PLEKHM2: variants seen among roughly 807,000 people sequenced by gnomAD.
PLEKHM2 encodes pleckstrin homology domain-containing family M member 2.
Under a neutral mutation model 116.3 loss-of-function variants are expected in PLEKHM2, and 77 were observed. That is an observed-to-expected ratio of 0.66 (90% CI 0.55 to 0.80). PLEKHM2 has a LOEUF of 0.80. Among genes scored for constraint, PLEKHM2 ranks in the 30% least tolerant of loss-of-function variants. PLEKHM2 has a pLI of 0.00. For missense variants in PLEKHM2, 1,183 were observed against 1,354.9 expected (o/e 0.87, Z 1.99); for synonymous variants, 562 against 571.0 (o/e 0.98, Z 0.22).
intron 1 of PLEKHM2, among the ~76,000 whole-genome samples, chr1:15,694,656 T>G (rs1169328094): frequency 6.6e-6 from 1 of 152,164 alleles, no homozygotes; most frequent in African/African-American, 2.4e-5. Context: ...TATCCGTTAT[T>G]GAAACCATCC....
At chr1:15,716,389 C>A in intron 2 of PLEKHM2, 46 bp downstream of exon 2, 1 of 1,156,910 alleles carries the variant, frequency 8.6e-7, no homozygotes, top group Non-Finnish European at 1.3e-6. Context: ...CAACCCAGGC[C>A]ATGAGTAGCC....
In PLEKHM2 at chr1:15,716,722, C is replaced by T; in HGVS notation, c.183C>T (p.Ser61=). 1.3e-6 allele frequency: 2 copies of T among 1,571,618 alleles called. No individual in the cohort carries two copies. The highest frequency in any genetic ancestry group is 8.6e-7 in the Non-Finnish European group (1 of 1,158,102). Residue 61 remains serine (S), a synonymous_variant, in exon 3 of 20, where the codon TCC becomes TCT. Transcript: ENST00000375799. The stretch of plus-strand genomic sequence containing the variant: ...GTTTTCTCAGACTGCAAGACCTCTC[C>T]TCTGGCTACTGGGTGCTCGTGGTGC... The part of the protein sequence containing the change: ...HALLYGLQDL[S]SGYWVLVVHF...
intron 16 of PLEKHM2, among the ~76,000 whole-genome samples, chr1:15,731,502 C>T (rs1358796764): frequency 1.3e-5 from 2 of 152,142 alleles, no homozygotes; most frequent in Admixed American, 6.5e-5. Context: ...GCAGGCCCTT[C>T]CCCAGAAGCT....
At chr1:15,683,493 G>C (rs1272666320), upstream of PLEKHM2, among the ~76,000 whole-genome samples, 3 of 151,150 alleles carry the variant, frequency 2.0e-5, no homozygotes, top group Admixed American at 2.0e-4. Flanking sequence ...TCTCTGAGGA[G>C]GGCCGGGGTC....
intron 16 of PLEKHM2, 96 bp downstream of exon 16, chr1:15,731,353 C>T: frequency 1.1e-6 from 1 of 926,184 alleles, no homozygotes; most frequent in South Asian, 1.4e-5. Context: ...CAGCCTCGCC[C>T]TCAACCCCAC....
At chr1:15,730,834 G>C in intron 15 of PLEKHM2, 112 bp downstream of exon 15, 1 of 825,206 alleles carries the variant, frequency 1.2e-6, no homozygotes, top group Non-Finnish European at 1.9e-6. Flanking sequence ...AGCCTGAGGA[G>C]AGGACGCCTC....
Position 15,729,677 on chromosome 1 carries a change from A to T in PLEKHM2, c.2076-120A>T. On this transcript the variant is annotated intron_variant, in intron 13 of 19. Coordinates refer to ENST00000375799, the MANE Select transcript of PLEKHM2 (RefSeq NM_015164.4). This position sits in a 1 kb window ranked among gnomAD's most constrained non-coding sequence, Gnocchi z 4.7. ...ACCTGCCGCCCTGGTCACTGGGTCT[A>T]GCCAGGTCTCTCCCCCAAGTTTCTG... The T allele has an allele frequency of 1.2e-6, 1 of 841,774 alleles. No homozygotes were observed. Among genetic ancestry groups the T allele is most frequent in the Non-Finnish European group, 1.9e-6 (1 of 534,798 alleles). The allele number at this position is 841,774 out of a possible 1,614,324, so 52.1% of individuals were successfully genotyped here.
intron 4 of PLEKHM2, among the ~76,000 whole-genome samples, 174 bp from the exon 5 acceptor site, chr1:15,718,364 T>C (rs1223095230): frequency 6.6e-6 from 1 of 152,220 alleles, no homozygotes; most frequent in African/African-American, 2.4e-5. Flanking sequence ...GTGTGGCTGC[T>C]AACCCAGTAG....
intron 1 of PLEKHM2, among the ~76,000 whole-genome samples, chr1:15,702,572 C>T (rs1024346276): frequency 2.0e-5 from 3 of 152,076 alleles, no homozygotes; most frequent in Non-Finnish European, 2.9e-5. Flanking sequence ...TGTGCACCAC[C>T]ACGCCCAGCT....
At chr1:15,702,549 G>A (rs1017108777) in intron 1 of PLEKHM2, among the ~76,000 whole-genome samples, 1 of 152,036 alleles carries the variant, frequency 6.6e-6, no homozygotes, top group East Asian at 1.9e-4. Context: ...CCAAGTAGCT[G>A]GGATTACAGG....
At chr1:15,715,566 A>C (rs1308652142) in intron 1 of PLEKHM2, among the ~76,000 whole-genome samples, 1 of 152,124 alleles carries the variant, frequency 6.6e-6, no homozygotes, top group East Asian at 1.9e-4. Flanking sequence ...ACTTGAACCC[A>C]GGAGGCGGAG....
At chr1:15,720,259 G>T in intron 6 of PLEKHM2, 2 of 825,328 alleles carry the variant, frequency 2.4e-6, no homozygotes. Context: ...AAACCTTGTC[G>T]CAGGGTTGAG....
chr1:15,713,965 A>G (rs1216767637), intron 1 of PLEKHM2, among the ~76,000 whole-genome samples: 3 of 97,388 alleles, frequency 3.1e-5, no homozygotes, highest in Middle Eastern at 0.011. Flanking sequence ...TTTTGGAGAC[A>G]GAGTCTCACT....
rs749482191 is a variant in PLEKHM2, at chr1:15,727,220, C to G, written c.1148C>G (p.Thr383Arg). Residue 383 changes from threonine to arginine, a missense_variant, in exon 9 of 20, where the codon ACG becomes AGG. Thr to Arg is a moderately conservative substitution (Grantham distance 71, BLOSUM62 -1). This residue lies in a region of PLEKHM2 where 372 missense variants were observed against 357.2 expected (regional missense o/e 1.04). Coordinates refer to ENST00000375799, the MANE Select transcript of PLEKHM2 (RefSeq NM_015164.4). This position sits in a 1 kb window ranked among gnomAD's most constrained non-coding sequence, Gnocchi z 7.5. ...GAGGGAGAGGGGCCGAGCAGCACCA[C>G]GGAGAGCAGCGAGCGCTCCGAGCCG... Reference protein sequence around the residue: ...QEEGEGPSSTTESSERSEPGL... With the variant: ...QEEGEGPSSTRESSERSEPGL... The G allele has an allele frequency of 1.2e-6, 2 of 1,605,912 alleles. No homozygotes were observed. Among genetic ancestry groups the G allele is most frequent in the Admixed American group, 1.7e-5 (1 of 59,022 alleles).
chr1:15,725,352 T>C lies in PLEKHM2; in HGVS notation c.748T>C (p.Ser250Pro). 6.4e-7 allele frequency: 1 copy of C among 1,551,278 alleles called. No homozygotes were observed. The highest frequency in any genetic ancestry group is 2.4e-5 in the East Asian group (1 of 40,914). The change falls in exon 8 of 20, where the codon TCC becomes CCC. Residue 250 changes from serine to proline, a missense_variant. Transcript: ENST00000375799. ...DLTDTVSGPR[S>P]TASDLTSSKA... ...CACAGACACGGTCAGTGGTCCCCGC[T>C]CCACAGCCTCCGACCTGACCAGCAG...
At chr1:15,731,603 CAGAG>C (rs1245692237) in intron 16 of PLEKHM2, among the ~76,000 whole-genome samples, 1 of 152,166 alleles carries the variant, frequency 6.6e-6, no homozygotes, top group Non-Finnish European at 1.5e-5. Context: ...GGCCGATTCT[CAGAG>C]GGCCAGTGGG....
chr1:15,716,476 G>A, intron 2 of PLEKHM2, 133 bp downstream of exon 2: 1 of 679,676 alleles, frequency 1.5e-6, no homozygotes, highest in Non-Finnish European at 2.5e-6. Context: ...TCCCACTCAA[G>A]TGGGCCACAG....
chr1:15,723,671 G>A (rs1345061491), intron 7 of PLEKHM2, among the ~76,000 whole-genome samples: 1 of 150,434 alleles, frequency 6.6e-6, no homozygotes, highest in Non-Finnish European at 1.5e-5. Flanking sequence ...CTTGAACCCA[G>A]GAGGTCGAGG....
chr1:15,710,133 A>G (rs1399509195), intron 1 of PLEKHM2, among the ~76,000 whole-genome samples: 1 of 149,742 alleles, frequency 6.7e-6, no homozygotes, highest in Non-Finnish European at 1.5e-5. Context: ...AGGCTGAGGC[A>G]GGAGAATGGC....
Sources: gnomAD v4.1 joint callset for allele counts (sites outside exome capture counted in the v4.1 genomes callset) on GRCh38, gnomAD v4.1.1 for gene constraint, gnomAD v4.1.1 regional missense constraint, Gnocchi (gnomAD v3.1) non-coding constraint, MANE v1.5 for transcripts, NCBI Gene and HGNC (gene_info 2026-07-23, HGNC 2026-07-21) for gene names.